The following BCL2L14 variants were observed in gnomAD, a reference collection of about 807,000 sequenced individuals.
BCL2L14 encodes the protein apoptosis facilitator Bcl-2-like protein 14.
BCL2L14 carries 27 observed loss-of-function variants against 35.3 expected under a neutral mutation model. That is an observed-to-expected ratio of 0.76 (90% CI 0.56 to 1.05). The LOEUF is 1.05. Ranked by LOEUF, BCL2L14 falls within the 50% of genes least tolerant of loss-of-function variation. The probability of loss-of-function intolerance (pLI) is 0.00; values close to 1 mark genes in which losing one functional copy is unlikely to be tolerated. For missense variants in BCL2L14, 377 were observed against 382.6 expected (o/e 0.99, Z 0.12); for synonymous variants, 139 against 145.9 (o/e 0.95, Z 0.34).
At chr12:12,078,120 TCTCTA>T (rs1565463887) in intron 1 of BCL2L14, 1 of 200,380 alleles carries the variant, frequency 5.0e-6, no homozygotes, top group Non-Finnish European at 1.1e-5. Context: ...ATCACATCAC[TCTCTA>T]CTCAAAACTT....
At chr12:12,066,012 A>T (rs1948589638), upstream of BCL2L14, among the ~76,000 whole-genome samples, 1 of 152,020 alleles carries the variant, frequency 6.6e-6, no homozygotes, top group Admixed American at 6.5e-5. Flanking sequence ...GCTGGTCTTG[A>T]ACTCCTGACC....
intron 2 of BCL2L14, among the ~76,000 whole-genome samples, chr12:12,085,175 C>G (rs1170412437): frequency 6.6e-6 from 1 of 151,918 alleles, no homozygotes; most frequent in Non-Finnish European, 1.5e-5. Context: ...GGCCACCCTG[C>G]CTTATGAGAG....
At chr12:12,095,781 G>A (rs1183128040) in intron 5 of BCL2L14, 3 of 985,262 alleles carry the variant, frequency 3.0e-6, no homozygotes, top group African/African-American at 1.7e-5. Context: ...CTGATGGAAG[G>A]AAAGTGCAGC....
At chr12:12,081,906 C>T (rs1178989365) in intron 2 of BCL2L14, among the ~76,000 whole-genome samples, 1 of 152,082 alleles carries the variant, frequency 6.6e-6, no homozygotes, top group African/African-American at 2.4e-5. Context: ...GTTTCATTGG[C>T]CTGGGTAACT....
At chr12:12,055,889 A>G (rs1333846881) in intron 2 of BCL2L14, 1 of 152,076 alleles carries the variant, frequency 6.6e-6, no homozygotes, top group Non-Finnish European at 1.5e-5. Context: ...CCTTGACCAA[A>G]CTTTAGTCAG....
At chr12:12,063,472 T>C (rs1319339872) in intron 2 of BCL2L14, among the ~76,000 whole-genome samples, 4 of 148,684 alleles carry the variant, frequency 2.7e-5, no homozygotes, top group African/African-American at 9.9e-5. Context: ...ATGTTTCTTC[T>C]AACAGCCCCA....
chr12:12,075,437 T>TTTCTTTC (rs1565460302), intron 1 of BCL2L14, among the ~76,000 whole-genome samples: 2 of 66,298 alleles, frequency 3.0e-5, no homozygotes, highest in African/African-American at 4.4e-5. Flanking sequence ...TTCTTTCTTT[T>TTTCTTTC]TTTTTTGAGA....
intron 1 of BCL2L14, among the ~76,000 whole-genome samples, chr12:12,051,315 C>T (rs989628509): frequency 6.6e-6 from 1 of 152,164 alleles, no homozygotes; most frequent in African/African-American, 2.4e-5. Context: ...ATCAGGTACC[C>T]CATGCGTCTG....
chr12:12,091,585 G>T (rs1265681921), intron 4 of BCL2L14, among the ~76,000 whole-genome samples: 2 of 152,206 alleles, frequency 1.3e-5, no homozygotes, highest in Non-Finnish European at 2.9e-5. Context: ...GAGGGAGTCA[G>T]ACCCTGGGGG....
intron 2 of BCL2L14, among the ~76,000 whole-genome samples, chr12:12,062,821 C>G (rs1948545411): frequency 6.6e-6 from 1 of 152,142 alleles, no homozygotes; most frequent in Non-Finnish European, 1.5e-5. Flanking sequence ...ATCAGCCAAG[C>G]AGTTTTTCAG....
In BCL2L14 at chr12:12,079,637, A is replaced by C. The variant is rs772117186; in HGVS notation, c.332A>C (p.Lys111Thr). The change falls in exon 2 of 6, where the codon AAG becomes ACG. Residue 111 changes from lysine (K) to threonine (T), a missense_variant. Coordinates refer to ENST00000308721, the MANE Select transcript of BCL2L14 (RefSeq NM_138723.2). ...GAAGATTCGCAGAGCACGCCTGCCA[A>C]GGTCTCTGCTCAGGGTCAAAGGACG... The part of the protein sequence containing the change: ...EKEDSQSTPA[K>T]VSAQGQRTLE... 6.2e-7 allele frequency: 1 copy of C among 1,614,180 alleles called. No individual in the cohort carries two copies. Among genetic ancestry groups the C allele is most frequent in the Non-Finnish European group, 8.5e-7 (1 of 1,180,034 alleles).
chr12:12,086,182 G>A (rs972736887), intron 2 of BCL2L14, among the ~76,000 whole-genome samples: 1 of 152,140 alleles, frequency 6.6e-6, no homozygotes, highest in Non-Finnish European at 1.5e-5. Flanking sequence ...GCCAGGCGTG[G>A]TGATGCACAC....
At position 12,094,924 on chromosome 12, in the gene BCL2L14, T is replaced by C. The variant is rs748674331; in HGVS notation, c.939T>C (p.Gly313=). The C allele has an allele frequency of 3.1e-6, 5 of 1,613,004 alleles. No individual in the cohort carries two copies. The African/African-American group carries it at 6.7e-5, about 22-fold the overall frequency. ...TCTCGCCATGGATCCAGCAGCACGG[T>C]GGATGGGTAAGCGTATCCTATTTAA... is the stretch of plus-strand genomic sequence containing the variant. ...ENFSPWIQQH[G]GWEKILGISH... The change falls in exon 5 of 6, where the codon GGT becomes GGC. Residue 313 remains glycine (G), a synonymous_variant. Transcript: ENST00000308721.
chr12:12,095,113 C>A (rs1386171356), intron 5 of BCL2L14, 183 bp downstream of exon 5: 1 of 984,936 alleles, frequency 1.0e-6, no homozygotes, highest in Non-Finnish European at 1.2e-6. Flanking sequence ...TCTTCATCAT[C>A]AATAAATATT....
chr12:12,063,064 C>CTG (rs1565445779), intron 2 of BCL2L14, among the ~76,000 whole-genome samples: 2 of 152,158 alleles, frequency 1.3e-5, no homozygotes, highest in Non-Finnish European at 2.9e-5. Context: ...TTATTAGGCC[C>CTG]CAGTCTCATT....
At chr12:12,070,246 T>C (rs1035551064), upstream of BCL2L14, among the ~76,000 whole-genome samples, 4 of 152,108 alleles carry the variant, frequency 2.6e-5, no homozygotes, top group African/African-American at 9.7e-5. Context: ...AGAGGTGACA[T>C]GATAGAGTGT....
upstream of BCL2L14, among the ~76,000 whole-genome samples, chr12:12,070,709 T>A (rs1486907545): frequency 1.3e-5 from 2 of 151,718 alleles, no homozygotes; most frequent in Non-Finnish European, 2.9e-5. Flanking sequence ...ATGTGTACAG[T>A]ACCTGTACCA....
chr12:12,054,202 T>G lies in BCL2L14; in HGVS notation c.-272+2355T>G, dbSNP rs544943433. 3.2e-4 allele frequency among the ~76,000 whole-genome samples: 48 copies of G among 152,226 alleles called. No individual in the cohort carries two copies. The South Asian group carries it at 9.5e-3, about 30-fold the overall frequency. ...CCAAGTCTAGTGAAGTTAAGAAGCT[T>G]GCTCAAAATCCAATTAGGGGCTGGG... On this transcript the variant is annotated intron_variant, in intron 2 of 3. Coordinates refer to the BCL2L14 transcript ENST00000461264.
chr12:12,087,344 C>T lies in BCL2L14; in HGVS notation c.565C>T (p.Gln189Ter), dbSNP rs1268440955. Residue 189 changes from glutamine (Q) to a stop codon, truncating the protein, a stop_gained, in exon 3 of 6, where the codon CAG (glutamine) becomes TAG (stop). Transcript: ENST00000308721. LOFTEE classifies it high-confidence loss of function. ...EIFVTEGLSFQLQGHVPVASS... is the reference protein window; with the variant it reads ...EIFVTEGLSF ...TTTTGTAACTGAGGGTCTCTCCTTC[C>T]AGCTCCAAGGCCACGTGCCTGTAGC... The T allele has an allele frequency of 6.2e-7, 1 of 1,614,224 alleles. No individual in the cohort carries two copies. Among genetic ancestry groups the T allele is most frequent in the Admixed American group, 1.7e-5 (1 of 60,032 alleles).
Sources: allele counts gnomAD v4.1 joint callset (sites outside exome capture counted in the v4.1 genomes callset), GRCh38; gene constraint gnomAD v4.1.1; transcripts MANE v1.5; gene names NCBI Gene and HGNC (gene_info 2026-07-23, HGNC 2026-07-21).